The following RASGRF2 variants were observed in gnomAD, a reference collection of about 807,000 sequenced individuals.
The protein encoded by RASGRF2 is ras-specific guanine nucleotide-releasing factor 2.
Under a neutral mutation model 151.0 loss-of-function variants are expected in RASGRF2, and 76 were observed. The observed-to-expected ratio is 0.50, with a 90% CI of 0.42 to 0.61. The LOEUF is 0.61. Ranked by LOEUF, RASGRF2 falls within the 20% of genes least tolerant of loss-of-function variation. The pLI, the probability that RASGRF2 is intolerant of heterozygous loss-of-function variation, is 0.00. For missense variants in RASGRF2, 1,148 were observed against 1,564.6 expected (o/e 0.73, Z 4.49); for synonymous variants, 504 against 566.5 (o/e 0.89, Z 1.57).
At chr5:81,190,269 T>G (rs1231604577) in intron 18 of RASGRF2, among the ~76,000 whole-genome samples, 1 of 152,204 alleles carries the variant, frequency 6.6e-6, no homozygotes, top group Non-Finnish European at 1.5e-5. Context: ...CTGACCCTTA[T>G]CTTTACGGCA....
chr5:80,994,365 C>A (rs1357758213), intron 1 of RASGRF2, among the ~76,000 whole-genome samples: 369 of 115,250 alleles, frequency 3.2e-3, no homozygotes, highest in Non-Finnish European at 3.2e-3. Flanking sequence ...CACTCTGTCT[C>A]AAAAAAAAAA....
chr5:81,068,306 G>A lies in RASGRF2; in HGVS notation c.543+127G>A, dbSNP rs139032810. 6.0e-4 allele frequency: 659 copies of A among 1,095,330 alleles called. 7 individuals are homozygous for A. In the East Asian group the frequency reaches 0.014, roughly 24 times the overall value. The allele number at this position is 1,095,330 out of a possible 1,614,324, so 67.9% of individuals were successfully genotyped here. ...GACTTCCTCTGACATCAACACATAC[G>A]TGGCTGGGCCTGACCTAGACATGAA... On this transcript the variant is annotated intron_variant, in intron 3 of 26. Transcript: ENST00000265080.
At chr5:81,148,192 C>T (rs1218927824) in intron 17 of RASGRF2, among the ~76,000 whole-genome samples, 2 of 152,196 alleles carry the variant, frequency 1.3e-5, no homozygotes, top group Admixed American at 1.3e-4. Context: ...GGGACAGAGA[C>T]TTACTTACTC....
In RASGRF2 at chr5:80,982,926, G is replaced by A. The variant is rs145564125; in HGVS notation, c.288+21900G>A. ...GGAATTTGGTTCTATTATTAATCAA[G>A]TTTACTGTGGGGAATTTTTCTTGAT... On this transcript the variant is annotated intron_variant, in intron 1 of 26. Transcript: ENST00000265080. Among the ~76,000 whole-genome samples, 531 of 152,230 alleles carry A rather than the reference G, an allele frequency of 3.5e-3. 6 individuals are homozygous for A. Among genetic ancestry groups the A allele is most frequent in the African/African-American group, 0.012 (490 of 41,534 alleles).
chr5:81,152,224 A>T (rs941014231), intron 17 of RASGRF2, among the ~76,000 whole-genome samples: 2 of 151,412 alleles, frequency 1.3e-5, no homozygotes, highest in Non-Finnish European at 2.9e-5. Context: ...CTGGTCTTGA[A>T]CTCCTGACCT....
chr5:81,071,289 T>G (rs1335808142), intron 4 of RASGRF2, among the ~76,000 whole-genome samples: 1 of 152,250 alleles, frequency 6.6e-6, no homozygotes, highest in Non-Finnish European at 1.5e-5. Flanking sequence ...TTGTTATTAT[T>G]CCTCTTATTT....
intron 5 of RASGRF2, among the ~76,000 whole-genome samples, chr5:81,074,913 G>T (rs942608578): frequency 6.6e-6 from 1 of 152,180 alleles, no homozygotes; most frequent in Non-Finnish European, 1.5e-5. Context: ...GTGAAGGGAA[G>T]AGTCAGGGAG....
chr5:81,191,845 A>G (rs1755158643), intron 18 of RASGRF2, among the ~76,000 whole-genome samples: 1 of 152,186 alleles, frequency 6.6e-6, no homozygotes, highest in Non-Finnish European at 1.5e-5. Context: ...CAGTCATTCA[A>G]ATGCAGAGTC....
chr5:80,960,877 T>G lies in RASGRF2; in HGVS notation c.139T>G (p.Tyr47Asp). 1 of 1,613,334 alleles carries G rather than the reference T, an allele frequency of 6.2e-7. No individual in the cohort carries two copies. Among genetic ancestry groups the G allele is most frequent in the Non-Finnish European group, 8.5e-7 (1 of 1,179,528 alleles). The change falls in exon 1 of 27, where the codon TAC (tyrosine) becomes GAC (aspartate). Residue 47 changes from tyrosine to aspartate, a missense_variant. Physicochemically the swap from Tyr to Asp is radical, Grantham distance 160. This residue lies in a region of RASGRF2 where 221 missense variants were observed against 271.3 expected (regional missense o/e 0.81). Transcript: ENST00000265080. This position sits in a 1 kb window ranked among gnomAD's most constrained non-coding sequence, Gnocchi z 5.5. ...SRWHEKWFAL[Y>D]QNVLFYFEGE... ...CTGGCACGAGAAGTGGTTCGCCCTC[T>G]ACCAGAATGTGCTCTTCTACTTCGA... is the stretch of plus-strand genomic sequence containing the variant.
intron 1 of RASGRF2, among the ~76,000 whole-genome samples, chr5:81,001,999 C>T (rs772182278): frequency 1.6e-4 from 25 of 152,112 alleles, no homozygotes; most frequent in Non-Finnish European, 3.2e-4. Flanking sequence ...AGTTTATCTA[C>T]GAAGAGACAT....
chr5:81,143,495 T>G (rs1244126914), intron 17 of RASGRF2, among the ~76,000 whole-genome samples: 1 of 152,160 alleles, frequency 6.6e-6, no homozygotes, highest in Non-Finnish European at 1.5e-5. Flanking sequence ...TGAAATACTT[T>G]TAACAATGCA....
chr5:81,001,033 G>C (rs960811918), intron 1 of RASGRF2, among the ~76,000 whole-genome samples: 1 of 152,068 alleles, frequency 6.6e-6, no homozygotes, highest in Non-Finnish European at 1.5e-5. Context: ...AGATAGATTG[G>C]GCATGTCTAC....
Position 81,112,874 on chromosome 5 carries a change from G to C in RASGRF2, c.2087+16G>C, listed in dbSNP as rs777859797. 42 of 1,613,832 alleles carry C rather than the reference G, an allele frequency of 2.6e-5. No individual in the cohort carries two copies. The Admixed American group carries it at 7.0e-4, about 27-fold the overall frequency. The stretch of plus-strand genomic sequence containing the variant: ...TCCCTGTCAGGTACACCTATTGCTA[G>C]AGGTTAGCCTGTCATTCGCATATGG... On this transcript the variant is annotated intron_variant, in intron 14 of 26. Coordinates refer to ENST00000265080, the MANE Select transcript of RASGRF2 (RefSeq NM_006909.3).
At chr5:81,145,900 C>CA (rs1273688238) in intron 17 of RASGRF2, among the ~76,000 whole-genome samples, 2 of 152,220 alleles carry the variant, frequency 1.3e-5, no homozygotes, top group African/African-American at 2.4e-5. Flanking sequence ...ACAGATAACT[C>CA]ATACAGGTGG....
At chr5:80,962,358 A>G (rs1286104487) in intron 1 of RASGRF2, among the ~76,000 whole-genome samples, 1 of 152,170 alleles carries the variant, frequency 6.6e-6, no homozygotes, top group Non-Finnish European at 1.5e-5. Context: ...GCATTTTAGA[A>G]TTTAAATTGG....
intron 1 of RASGRF2, among the ~76,000 whole-genome samples, chr5:81,031,981 C>A (rs548318088): frequency 9.9e-5 from 15 of 152,080 alleles, no homozygotes; most frequent in African/African-American, 3.6e-4. Flanking sequence ...ACCACCGATC[C>A]CACAGAAATA....
chr5:81,047,027 T>C (rs1750856942), intron 2 of RASGRF2, among the ~76,000 whole-genome samples: 1 of 152,176 alleles, frequency 6.6e-6, no homozygotes, highest in South Asian at 2.1e-4. Context: ...TTTGTGACTA[T>C]CTGGATTTGA....
intron 19 of RASGRF2, among the ~76,000 whole-genome samples, chr5:81,202,215 C>T (rs13175313): frequency 0.12 from 18,267 of 152,148 alleles, 1,233 homozygotes; most frequent in Middle Eastern, 0.16. Context: ...CTCATAAGTA[C>T]GTCCTCTGTC....
At chr5:81,035,116 A>G (rs1487550393) in intron 1 of RASGRF2, among the ~76,000 whole-genome samples, 3 of 152,252 alleles carry the variant, frequency 2.0e-5, no homozygotes, top group Admixed American at 6.5e-5. Flanking sequence ...TACTGTGTAT[A>G]TACCCAAAGG....
Sources: gnomAD v4.1 joint callset for allele counts (sites outside exome capture counted in the v4.1 genomes callset) on GRCh38, gnomAD v4.1.1 for gene constraint, gnomAD v4.1.1 regional missense constraint, Gnocchi (gnomAD v3.1) non-coding constraint, MANE v1.5 for transcripts, NCBI Gene and HGNC (gene_info 2026-07-23, HGNC 2026-07-21) for gene names.